NEB: variants seen among roughly 807,000 people sequenced by gnomAD.
The protein encoded by NEB is nebulin, also known as nemaline myopathy type 2.
NEB carries 512 observed loss-of-function variants against 952.2 expected under a neutral mutation model. That is an observed-to-expected ratio of 0.54 (90% CI 0.50 to 0.58). The LOEUF (loss-of-function observed/expected upper bound fraction) is 0.58, where lower values mean the gene tolerates loss of function less well. Ranked by LOEUF, NEB falls within the 20% of genes least tolerant of loss-of-function variation. The probability of loss-of-function intolerance (pLI) is 0.00; values close to 1 mark genes in which losing one functional copy is unlikely to be tolerated. For missense variants in NEB, 8,428 were observed against 9,231.1 expected, an observed-to-expected ratio of 0.91 and a Z score of 3.56; for synonymous variants, 2,900 against 3,149.8, an observed-to-expected ratio of 0.92 and a Z score of 2.66.
At chr2:151,718,221 G>A (rs2099764791) in intron 9 of NEB, among the ~76,000 whole-genome samples, 1 of 152,250 alleles carries the variant, frequency 6.6e-6, no homozygotes. Flanking sequence ...CATGGATTAG[G>A]CAATGCTAAC....
chr2:151,642,912 A>C (rs2098899378), intron 58 of NEB, 43 bp from the exon 59 acceptor site: 2 of 1,441,694 alleles, frequency 1.4e-6, no homozygotes, highest in African/African-American at 2.8e-5. Flanking sequence ...GCCAGTAATA[A>C]ATAGACACAT....
intron 13 of NEB, among the ~76,000 whole-genome samples, chr2:151,698,979 A>C (rs2099623215): frequency 7.4e-6 from 1 of 135,148 alleles, no homozygotes; most frequent in Non-Finnish European, 1.6e-5. Flanking sequence ...CTAACTCGTC[A>C]TCTAGCATTA....
At chr2:151,641,153 G>GA (rs918762416) in intron 60 of NEB, among the ~76,000 whole-genome samples, 51 of 151,728 alleles carry the variant, frequency 3.4e-4, no homozygotes, top group Non-Finnish European at 6.5e-4. Context: ...TATACACACA[G>GA]AAAAAAAAGA....
At chr2:151,539,809 A>G (rs1350003075) in intron 138 of NEB, among the ~76,000 whole-genome samples, 2 of 152,224 alleles carry the variant, frequency 1.3e-5, no homozygotes, top group Admixed American at 6.5e-5. Context: ...CACATGATCT[A>G]TATGCAATTA....
intron 161 of NEB, among the ~76,000 whole-genome samples, chr2:151,509,176 A>G (rs952420793): frequency 7.9e-5 from 12 of 152,330 alleles, no homozygotes; most frequent in African/African-American, 2.4e-4. Context: ...AAGCAGTTTC[A>G]GCCAATGAGA....
intron 109 of NEB, 55 bp downstream of exon 109, chr2:151,570,026 C>G: frequency 6.6e-7 from 1 of 1,517,580 alleles, no homozygotes; most frequent in Non-Finnish European, 8.9e-7. Flanking sequence ...CATAAACTCT[C>G]TGGAAGTCAT....
chr2:151,492,888 A>T, intron 176 of NEB: 1 of 181,486 alleles, frequency 5.5e-6, no homozygotes, highest in Admixed American at 5.7e-5. Context: ...TTGTGTCCAG[A>T]CTTCATAAAC....
chr2:151,561,036 T>C lies in NEB; in HGVS notation c.19174A>G (p.Arg6392Gly). 1 of 1,609,486 alleles carries C rather than the reference T, an allele frequency of 6.2e-7. No homozygotes were observed. Among genetic ancestry groups the C allele is most frequent in the Non-Finnish European group, 8.5e-7 (1 of 1,177,106 alleles). Residue 6392 changes from arginine to glycine, a missense_variant, in exon 123 of 182, where the codon AGA (arginine) becomes GGA (glycine). Physicochemically the swap from Arg to Gly is moderately radical, Grantham distance 125. This residue lies in a region of NEB where 3,374 missense variants were observed against 3,651.5 expected (regional missense o/e 0.92). Transcript: ENST00000397345. ...TTVLETVDYD[R>G]TRNLKNLYSS... ...TAAAGATTCTTCAGGTTTCTGGTTC[T>C]GTCATAATCCACTGTTTCTAGAACT... is the stretch of plus-strand genomic sequence containing the variant.
chr2:151,496,648 A>G (rs2060407358), intron 172 of NEB, among the ~76,000 whole-genome samples: 1 of 152,140 alleles, frequency 6.6e-6, no homozygotes. Flanking sequence ...TGCCTCCTAA[A>G]CAATCACATG....
chr2:151,692,091 G>A lies in NEB; in HGVS notation c.2074C>T (p.His692Tyr), dbSNP rs753761094. 6 of 1,613,816 alleles carry A rather than the reference G, an allele frequency of 3.7e-6. No homozygotes were observed. In the African/African-American group the frequency reaches 8.0e-5, roughly 22 times the overall value. ...VGSMEDPYHTHCMKVAAQNSD... is the reference protein window; with the variant it reads ...VGSMEDPYHTYCMKVAAQNSD... ...TTTTGAGCTGCAACTTTCATGCAGT[G>A]TGTGTGATATGGGTCCTCCATGCTG... Residue 692 changes from histidine to tyrosine, a missense_variant, in exon 22 of 182, where the codon CAC becomes TAC. By Grantham distance (83) the His-to-Tyr change is moderately conservative. Coordinates refer to ENST00000397345, the MANE Select transcript of NEB (RefSeq NM_001164508.2).
chr2:151,721,901 A>C (rs988763858), intron 9 of NEB, among the ~76,000 whole-genome samples: 2 of 152,166 alleles, frequency 1.3e-5, no homozygotes, highest in African/African-American at 4.8e-5. Flanking sequence ...TTCCTAACTT[A>C]CCTGTGGAAG....
In NEB at chr2:151,642,456, C is replaced by A; in HGVS notation, c.8373+118G>T. ...CATTATTTTAAACCATTCATCGAAA[C>A]AATAAACTGTTAGCAACAGCTTTAA... On this transcript the variant is annotated intron_variant, in intron 60 of 181. Transcript: ENST00000397345. 6.0e-6 allele frequency: 5 copies of A among 836,186 alleles called. No homozygotes were observed. In the South Asian group the frequency reaches 9.7e-5, roughly 16 times the overall value. 51.8% of individuals were successfully genotyped at this position (836,186 alleles called of 1,614,324 possible).
chr2:151,633,602 C>A, intron 65 of NEB, 52 bp downstream of exon 65: 1 of 1,548,048 alleles, frequency 6.5e-7, no homozygotes, highest in South Asian at 1.2e-5. Flanking sequence ...ATAATTTTCA[C>A]ATAGTTTAAA....
At position 151,644,120 on chromosome 2, in the gene NEB, T is replaced by G. The variant is rs1453009916; in HGVS notation, c.7654A>C (p.Lys2552Gln). 6.2e-7 allele frequency: 1 copy of G among 1,613,354 alleles called. No individual in the cohort carries two copies. Among genetic ancestry groups the G allele is most frequent in the East Asian group, 2.2e-5 (1 of 44,868 alleles). The change falls in exon 57 of 182, where the codon AAG (lysine) becomes CAG (glutamine). Residue 2552 changes from lysine to glutamine, a missense_variant. Lys to Gln is a moderately conservative substitution (Grantham distance 53). Around this residue, in one of 11 missense-constraint regions of NEB, gnomAD observed 1,772 missense variants for 1,960.3 expected, o/e 0.90. Transcript: ENST00000397345. ...SREIASEYKYKEGFRKQLGHH... is the reference protein window; with the variant it reads ...SREIASEYKYQEGFRKQLGHH... ...CCGAGCTGCTTGCGAAAGCCTTCCT[T>G]GTACTTGTACTAGAGAAAAAAAATG... is the stretch of plus-strand genomic sequence containing the variant.
At position 151,538,134 on chromosome 2, in the gene NEB, A is replaced by C. The variant is rs1192150947; in HGVS notation, c.20997+6T>G. The C allele has an allele frequency of 6.3e-7, 1 of 1,593,818 alleles. No individual in the cohort carries two copies. ...CCAACACAAGTAGAAATATTTAGGG[A>C]CATACTTTACTGATGTCATCTGTGA... On this transcript the variant is annotated splice_donor_region_variant and intron_variant, in intron 139 of 181. Transcript: ENST00000397345.
chr2:151,523,053 A>G (rs1459188602), intron 153 of NEB, among the ~76,000 whole-genome samples: 4 of 152,208 alleles, frequency 2.6e-5, no homozygotes, highest in African/African-American at 7.2e-5. Context: ...AAAGTTTTCA[A>G]AATTTCAACA....
rs141353276 is a variant in NEB, at chr2:151,634,886, T to C, written c.9103-921A>G. 6.3e-3 allele frequency among the ~76,000 whole-genome samples: 964 copies of C among 152,292 alleles called. 2 individuals carry two copies. Among genetic ancestry groups the C allele is most frequent in the African/African-American group, 0.022 (911 of 41,558 alleles). On this transcript the variant is annotated intron_variant, in intron 64 of 181. Coordinates refer to ENST00000397345, the MANE Select transcript of NEB (RefSeq NM_001164508.2). ...GTCATGGGTTCTAGCCTCACATGTATCAACAATGTTTTTATTATTCATGTC... is the reference window on the plus strand; with the variant it reads ...GTCATGGGTTCTAGCCTCACATGTACCAACAATGTTTTTATTATTCATGTC...
At chr2:151,661,267 A>G (rs2099145566) in intron 46 of NEB, among the ~76,000 whole-genome samples, 1 of 152,196 alleles carries the variant, frequency 6.6e-6, no homozygotes, top group Admixed American at 6.5e-5. Context: ...TTAGATTTAA[A>G]TCTTAAAAGA....
chr2:151,516,316 T>A, intron 157 of NEB, 143 bp downstream of exon 157: 2 of 574,958 alleles, frequency 3.5e-6, no homozygotes, highest in Non-Finnish European at 6.3e-6. Context: ...ATTTCTGAGA[T>A]GGAGAAGATT....
Sources: allele counts gnomAD v4.1 joint callset (sites outside exome capture counted in the v4.1 genomes callset), GRCh38; gene constraint gnomAD v4.1.1; regional missense constraint gnomAD v4.1.1; transcripts MANE v1.5; gene names NCBI Gene and HGNC (gene_info 2026-07-23, HGNC 2026-07-21).